The following ADGRA3 variants were observed in gnomAD, a reference collection of about 807,000 sequenced individuals.
The protein encoded by ADGRA3 is adhesion G protein-coupled receptor A3, also known as G-protein coupled receptor 125.
ADGRA3 carries 56 observed loss-of-function variants against 119.8 expected under a neutral mutation model. The observed-to-expected ratio is 0.47, with a 90% CI of 0.38 to 0.58. The LOEUF is 0.58. Ranked by LOEUF, ADGRA3 falls within the 20% of genes least tolerant of loss-of-function variation. The pLI is 0.00. For missense variants in ADGRA3, 1,516 were observed against 1,649.0 expected (o/e 0.92, Z 1.40); for synonymous variants, 607 against 623.8 (o/e 0.97, Z 0.40).
chr4:22,405,297 G>C (rs989780231), intron 14 of ADGRA3, among the ~76,000 whole-genome samples: 2 of 152,086 alleles, frequency 1.3e-5, no homozygotes, highest in African/African-American at 4.8e-5. Context: ...TCAGAGTTTT[G>C]GGAGGCCCAA....
chr4:22,475,614 C>G (rs1427691883), intron 1 of ADGRA3, among the ~76,000 whole-genome samples: 1 of 152,160 alleles, frequency 6.6e-6, no homozygotes, highest in Non-Finnish European at 1.5e-5. Flanking sequence ...ATATTCCCAG[C>G]TACTCGGGAG....
At chr4:22,438,154 C>G (rs1253110788) in intron 8 of ADGRA3, 102 bp downstream of exon 8, 9 of 871,638 alleles carry the variant, frequency 1.0e-5, no homozygotes, top group Non-Finnish European at 1.6e-5. Context: ...ATGTGCAGTT[C>G]TCAAATTTTG....
At chr4:22,493,750 G>A (rs148532531) in intron 1 of ADGRA3, among the ~76,000 whole-genome samples, 2 of 152,294 alleles carry the variant, frequency 1.3e-5, no homozygotes, top group African/African-American at 4.8e-5. Flanking sequence ...GGCAAAATGA[G>A]GCTAAGACCT....
rs149630838 is a variant in ADGRA3 at position 22,406,458 on chromosome 4, C to G, written c.2233-3659G>C. ...CCCACCAACAATGTATAAGAGTTCT[C>G]TTCTCCACATTCTGTTATTTTTTGT... On this transcript the variant is annotated intron_variant, in intron 14 of 18. Coordinates refer to ENST00000334304, the MANE Select transcript of ADGRA3 (RefSeq NM_145290.4). 4.9e-3 allele frequency among the ~76,000 whole-genome samples: 752 copies of G among 152,224 alleles called. 8 individuals carry two copies. Among genetic ancestry groups the G allele is most frequent in the African/African-American group, 0.017 (703 of 41,552 alleles).
At chr4:22,400,237 C>T (rs1057508193) in intron 16 of ADGRA3, among the ~76,000 whole-genome samples, 2 of 152,106 alleles carry the variant, frequency 1.3e-5, no homozygotes, top group African/African-American at 2.4e-5. Flanking sequence ...CAAAGAGATA[C>T]CTGCACTCTT....
At chr4:22,436,373 T>A in intron 9 of ADGRA3, 67 bp downstream of exon 9, 3 of 1,172,752 alleles carry the variant, frequency 2.6e-6, no homozygotes, top group South Asian at 1.4e-5. Context: ...AAAAAAAAAC[T>A]TATGTATTTG....
In ADGRA3 at chr4:22,388,369, T is replaced by C. The variant is rs1713939929; in HGVS notation, c.3302A>G (p.Lys1101Arg). Reference protein sequence around the residue: ...NSSAESSCTNKSASSFKNSSQ... With the variant: ...NSSAESSCTNRSASSFKNSSQ... Reference sequence around the variant, plus strand: ...GGAATTTTTGAAGCTTGAAGCACTTTTGTTTGTGCATGAAGACTCCGCACT... The same window carrying C: ...GGAATTTTTGAAGCTTGAAGCACTTCTGTTTGTGCATGAAGACTCCGCACT... The change falls in exon 19 of 19, where the codon AAA becomes AGA. Residue 1101 changes from lysine to arginine, a missense_variant. Physicochemically the swap from Lys to Arg is conservative, Grantham distance 26. Transcript: ENST00000334304. 6.2e-7 allele frequency: 1 copy of C among 1,613,898 alleles called. No homozygotes were observed. Among genetic ancestry groups the C allele is most frequent in the Non-Finnish European group, 8.5e-7 (1 of 1,179,996 alleles).
chr4:22,446,183 A>G (rs1463001), intron 5 of ADGRA3, among the ~76,000 whole-genome samples: 149,928 of 152,306 alleles, frequency 0.98, 73,850 homozygotes, highest in East Asian at 1. Context: ...AAAAAGAAAA[A>G]GGATCTGATG....
In ADGRA3 at chr4:22,515,763, G is replaced by A. The variant is rs1259148815; in HGVS notation, c.22C>T (p.Arg8Trp). 2 of 1,020,388 alleles carry A rather than the reference G, an allele frequency of 2.0e-6. No individual in the cohort carries two copies. The highest frequency in any genetic ancestry group is 2.3e-6 in the Non-Finnish European group (2 of 857,232). 63.2% of individuals were successfully genotyped at this position (1,020,388 alleles called of 1,614,324 possible). The stretch of plus-strand genomic sequence containing the variant: ...AACAGCGGCGGCTGCGCGCGGCCCC[G>A]CCGGCGTCCGGGTGGCTCCATGCTG... MEPPGRR[R>W]GRAQPPLLLP... Residue 8 changes from arginine (R) to tryptophan (W), a missense_variant, in exon 1 of 19, where the codon CGG becomes TGG. Arg to Trp is a moderately radical substitution (Grantham distance 101). This residue lies in a region of ADGRA3 where 428 missense variants were observed against 541.9 expected (regional missense o/e 0.79). Transcript: ENST00000334304.
chr4:22,414,690 G>A (rs1715361132), intron 12 of ADGRA3: 3 of 655,522 alleles, frequency 4.6e-6, no homozygotes, highest in Admixed American at 2.5e-5. Flanking sequence ...CAAATCCTAA[G>A]TTCACCATAT....
At chr4:22,489,621 C>T (rs538311076) in intron 1 of ADGRA3, among the ~76,000 whole-genome samples, 1 of 152,270 alleles carries the variant, frequency 6.6e-6, no homozygotes, top group South Asian at 2.1e-4. Context: ...CATAGCTGGA[C>T]ACATTCTACT....
At position 22,515,539 on chromosome 4, in the gene ADGRA3, G is replaced by A. The variant is rs1577395941; in HGVS notation, c.246C>T (p.Arg82=). The A allele has an allele frequency of 6.2e-7, 1 of 1,606,246 alleles. No individual in the cohort carries two copies. Among genetic ancestry groups the A allele is most frequent in the African/African-American group, 1.3e-5 (1 of 74,362 alleles). Residue 82 remains arginine (R), a synonymous_variant, in exon 1 of 19, where the codon CGC becomes CGT. Transcript: ENST00000334304. ...QVLPPDTLPN[R]TVTLILSNNK... ...CGGGAGATACTCACAGGGTGACCGTGCGGTTGGGCAGAGTATCTGGGGGCA... is the reference window on the plus strand; with the variant it reads ...CGGGAGATACTCACAGGGTGACCGTACGGTTGGGCAGAGTATCTGGGGGCA...
At chr4:22,477,669 C>T (rs1022717502) in intron 1 of ADGRA3, 18 of 152,204 alleles carry the variant, frequency 1.2e-4, no homozygotes, top group African/African-American at 4.1e-4. Flanking sequence ...TTTCCTCAGT[C>T]ATAAAAGCTT....
intron 16 of ADGRA3, among the ~76,000 whole-genome samples, chr4:22,396,520 A>G (rs1714360947): frequency 6.6e-6 from 1 of 152,176 alleles, no homozygotes; most frequent in Non-Finnish European, 1.5e-5. Context: ...TTAAGGGACT[A>G]TTCACATAAG....
At position 22,515,983 on chromosome 4, in the gene ADGRA3, G is replaced by A; in HGVS notation, c.-199C>T. 1 of 170,682 alleles carries A rather than the reference G, an allele frequency of 5.9e-6. No homozygotes were observed. The highest frequency in any genetic ancestry group is 1.7e-4 in the South Asian group (1 of 5,986). The allele number at this position is 170,682 out of a possible 1,614,324, so 10.6% of individuals were successfully genotyped here. On this transcript the variant is annotated 5_prime_UTR_variant, in exon 1 of 19. Transcript: ENST00000334304. ...GGGCCTCTAGGGAGCCGGGGGTCACGGCCGCATGGGTCCCAGCGCCGCTCT... is the reference window on the plus strand; with the variant it reads ...GGGCCTCTAGGGAGCCGGGGGTCACAGCCGCATGGGTCCCAGCGCCGCTCT...
chr4:22,513,284 G>A (rs1483759859), intron 1 of ADGRA3, among the ~76,000 whole-genome samples: 2 of 150,604 alleles, frequency 1.3e-5, no homozygotes, highest in African/African-American at 4.9e-5. Context: ...GTAGCGACTA[G>A]CTGGGATTAC....
Position 22,388,430 on chromosome 4 carries a change from C to T in ADGRA3, c.3241G>A (p.Gly1081Arg). Residue 1081 changes from glycine to arginine, a missense_variant, in exon 19 of 19, where the codon GGG (glycine) becomes AGG (arginine). By Grantham distance (125) the Gly-to-Arg change is moderately radical. Coordinates refer to ENST00000334304, the MANE Select transcript of ADGRA3 (RefSeq NM_145290.4). ...QVNVQPPNSN[G>R]TNGEAPKCPN... ...CATTTGGGTGCCTCTCCATTCGTCC[C>T]ATTAGAGTTGGGGGGCTGGACGTTG... The T allele has an allele frequency of 6.2e-7, 1 of 1,614,064 alleles. No homozygotes were observed. The highest frequency in any genetic ancestry group is 8.5e-7 in the Non-Finnish European group (1 of 1,180,008).
rs867956456 is a variant in ADGRA3 at position 22,388,029 on chromosome 4, G to C, written c.3642C>G (p.Asn1214Lys). Residue 1214 changes from asparagine (N) to lysine (K), a missense_variant, in exon 19 of 19, where the codon AAC (asparagine) becomes AAG (lysine). Physicochemically the swap from Asn to Lys is moderately conservative, Grantham distance 94. This residue lies in a region of ADGRA3 where 1,088 missense variants were observed against 1,107.1 expected (regional missense o/e 0.98). Transcript: ENST00000334304. ...NGLPKSRLGN[N>K]EGHSRSRRAY... is the part of the protein sequence containing the mutation. ...CTCTTCGGCTCCTCGAGTGTCCTTC[G>C]TTATTGCCCAGCCGGCTTTTAGGTA... 1 of 1,614,078 alleles carries C rather than the reference G, an allele frequency of 6.2e-7. No homozygotes were observed. The highest frequency in any genetic ancestry group is 8.5e-7 in the Non-Finnish European group (1 of 1,180,008).
chr4:22,513,108 T>C (rs1322875306), intron 1 of ADGRA3, among the ~76,000 whole-genome samples: 1 of 151,614 alleles, frequency 6.6e-6, no homozygotes, highest in Non-Finnish European at 1.5e-5. Context: ...GGGCCTCATA[T>C]ACCTTGAACC....
Sources: gnomAD v4.1 joint callset for allele counts (sites outside exome capture counted in the v4.1 genomes callset) on GRCh38, gnomAD v4.1.1 for gene constraint, gnomAD v4.1.1 regional missense constraint, MANE v1.5 for transcripts, NCBI Gene and HGNC (gene_info 2026-07-23, HGNC 2026-07-21) for gene names.